Variants in PLCB1 observed in about 807,000 individuals in gnomAD.
The protein encoded by PLCB1 is phospholipase C beta 1, also known as 1-phosphatidylinositol 4,5-bisphosphate phosphodiesterase beta-1.
A neutral mutation model predicts 161.8 loss-of-function variants in PLCB1; 46 were observed. The ratio of observed to expected loss-of-function variants is 0.28; its 90% CI spans 0.22 to 0.36. PLCB1 has a LOEUF of 0.36. PLCB1 is among the 10% of genes least tolerant of loss of function. The pLI, the probability that PLCB1 is intolerant of heterozygous loss-of-function variation, is 1.00. For missense variants in PLCB1, 1,016 were observed against 1,472.5 expected, an observed-to-expected ratio of 0.69 and a Z score of 5.07; for synonymous variants, 517 against 503.7, an observed-to-expected ratio of 1.03 and a Z score of -0.35.
At chr20:8,627,696 C>G (rs1045255010) in intron 3 of PLCB1, among the ~76,000 whole-genome samples, 2 of 152,226 alleles carry the variant, frequency 1.3e-5, no homozygotes, top group African/African-American at 4.8e-5. Context: ...AAGAATGCAA[C>G]TTGCTCTAAA....
intron 2 of PLCB1, among the ~76,000 whole-genome samples, chr20:8,338,336 A>G (rs1985662353): frequency 6.6e-6 from 1 of 152,190 alleles, no homozygotes; most frequent in Non-Finnish European, 1.5e-5. Context: ...GGAACCCAGC[A>G]TTATAATTAT....
At chr20:8,214,439 C>G (rs1186515531) in intron 2 of PLCB1, among the ~76,000 whole-genome samples, 5 of 152,122 alleles carry the variant, frequency 3.3e-5, no homozygotes, top group East Asian at 1.9e-4. Flanking sequence ...CCCTCCTCCC[C>G]CTTTGCCTTC....
chr20:8,499,208 T>A (rs1983302573), intron 3 of PLCB1, among the ~76,000 whole-genome samples: 1 of 152,220 alleles, frequency 6.6e-6, no homozygotes, highest in African/African-American at 2.4e-5. Context: ...TATAATAGCT[T>A]ATGTGCTTTT....
At chr20:8,272,508 A>G (rs1202152937) in intron 2 of PLCB1, among the ~76,000 whole-genome samples, 1 of 152,120 alleles carries the variant, frequency 6.6e-6, no homozygotes, top group East Asian at 1.9e-4. Context: ...CTCGTTCAGC[A>G]TCAGTCCTTG....
At chr20:8,553,459 C>G (rs1203114567) in intron 3 of PLCB1, among the ~76,000 whole-genome samples, 2 of 152,148 alleles carry the variant, frequency 1.3e-5, no homozygotes, top group Non-Finnish European at 1.5e-5. Flanking sequence ...ACACCAACTT[C>G]TCAGTTTTGG....
At chr20:8,595,073 G>A (rs559732810) in intron 3 of PLCB1, among the ~76,000 whole-genome samples, 1 of 151,916 alleles carries the variant, frequency 6.6e-6, no homozygotes, top group East Asian at 1.9e-4. Flanking sequence ...ATATTTAAAG[G>A]CAATTAATAT....
intron 31 of PLCB1, among the ~76,000 whole-genome samples, chr20:8,809,089 C>T (rs976900155): frequency 3.3e-5 from 5 of 152,042 alleles, no homozygotes; most frequent in African/African-American, 1.2e-4. Flanking sequence ...CTCAATTTCC[C>T]GAGGTCAGTT....
chr20:8,685,746 A>G (rs891859434), intron 10 of PLCB1, among the ~76,000 whole-genome samples: 2 of 152,052 alleles, frequency 1.3e-5, no homozygotes, highest in Non-Finnish European at 2.9e-5. Flanking sequence ...TCAAAAGAAA[A>G]AAAAAAGAAT....
At chr20:8,565,957 C>T (rs569873296) in intron 3 of PLCB1, among the ~76,000 whole-genome samples, 4 of 151,978 alleles carry the variant, frequency 2.6e-5, no homozygotes, top group Admixed American at 1.3e-4. Context: ...ACCACAGCAG[C>T]GCTGGATTCC....
chr20:8,216,401 C>G (rs1254547497), intron 2 of PLCB1, among the ~76,000 whole-genome samples: 2 of 152,082 alleles, frequency 1.3e-5, no homozygotes, highest in African/African-American at 4.8e-5. Flanking sequence ...AAACAAACCT[C>G]AATCTGAAAC....
intron 11 of PLCB1, among the ~76,000 whole-genome samples, chr20:8,704,808 T>C (rs1424586064): frequency 6.6e-6 from 1 of 152,110 alleles, no homozygotes; most frequent in African/African-American, 2.4e-5. Context: ...AGATCTGCAG[T>C]TGGCAAGCTG....
chr20:8,656,926 GA>G (rs1159585988), intron 7 of PLCB1, among the ~76,000 whole-genome samples: 1 of 151,784 alleles, frequency 6.6e-6, no homozygotes, highest in Non-Finnish European at 1.5e-5. Context: ...AAATTAAACT[GA>G]AAAAGCCACA....
chr20:8,803,976 A>G (rs1984408178), intron 31 of PLCB1, among the ~76,000 whole-genome samples: 1 of 152,036 alleles, frequency 6.6e-6, no homozygotes, highest in African/African-American at 2.4e-5. Flanking sequence ...TATTTTTAGT[A>G]GAAATGGGAT....
intron 31 of PLCB1, among the ~76,000 whole-genome samples, chr20:8,812,422 CG>C (rs1984870769): frequency 6.0e-5 from 9 of 150,666 alleles, no homozygotes; most frequent in South Asian, 4.2e-4. Context: ...CTGGTGTGAG[CG>C]GGGGCTGGTG....
intron 7 of PLCB1, among the ~76,000 whole-genome samples, chr20:8,650,991 CAAAT>C (rs1989302535): frequency 6.6e-6 from 1 of 152,292 alleles, no homozygotes; most frequent in Admixed American, 6.5e-5. Flanking sequence ...TTAACCACCT[CAAAT>C]AAAATAATTT....
At chr20:8,866,742 C>T (rs1305854141) in intron 31 of PLCB1, among the ~76,000 whole-genome samples, 1 of 152,128 alleles carries the variant, frequency 6.6e-6, no homozygotes, top group Non-Finnish European at 1.5e-5. Flanking sequence ...TGAGAAATCC[C>T]ATCATTGTTT....
chr20:8,851,899 G>A (rs904601812), intron 31 of PLCB1, among the ~76,000 whole-genome samples: 2 of 152,114 alleles, frequency 1.3e-5, no homozygotes, highest in African/African-American at 4.8e-5. Context: ...GTTCATAGAA[G>A]CACCACATGT....
intron 3 of PLCB1, among the ~76,000 whole-genome samples, chr20:8,486,528 G>A (rs1037794137): frequency 1.8e-5 from 2 of 111,782 alleles, no homozygotes; most frequent in East Asian, 2.8e-4. Context: ...TCGCTCTGTC[G>A]CCCAGGCCGG....
chr20:8,839,753 G>A (rs1442274978), intron 31 of PLCB1, among the ~76,000 whole-genome samples: 19 of 53,856 alleles, frequency 3.5e-4, no homozygotes, highest in Admixed American at 1.5e-3. Flanking sequence ...AAAAAAAAAA[G>A]CCTTGGCCAG....
Sources: allele counts gnomAD v4.1 joint callset (sites outside exome capture counted in the v4.1 genomes callset), GRCh38; gene constraint gnomAD v4.1.1; transcripts MANE v1.5; gene names NCBI Gene and HGNC (gene_info 2026-07-23, HGNC 2026-07-21).